DTWD2: variants seen among roughly 807,000 people sequenced by gnomAD.
DTWD2 encodes the protein tRNA-uridine aminocarboxypropyltransferase 2.
In DTWD2, 39 loss-of-function variants were observed where a neutral mutation model predicts 31.8. The ratio of observed to expected loss-of-function variants is 1.22; its 90% CI spans 0.95 to 1.60. DTWD2 has a LOEUF of 1.60. Ranked by LOEUF, DTWD2 falls within the 40% of genes most tolerant of loss-of-function variation. DTWD2 has a pLI of 0.00. For synonymous variants in DTWD2, 180 were observed against 142.8 expected, an observed-to-expected ratio of 1.26 and a Z score of -1.86; for missense variants, 515 against 381.5, an observed-to-expected ratio of 1.35 and a Z score of -2.92.
chr5:118,911,354 TAAC>T (rs1191739265), intron 4 of DTWD2, among the ~76,000 whole-genome samples: 9 of 152,304 alleles, frequency 5.9e-5, no homozygotes, highest in Admixed American at 2.6e-4. Flanking sequence ...AGACAAAAGA[TAAC>T]AAGTGTTGGG....
intron 4 of DTWD2, among the ~76,000 whole-genome samples, chr5:118,911,678 C>G (rs1367240536): frequency 6.6e-6 from 1 of 151,932 alleles, no homozygotes; most frequent in Non-Finnish European, 1.5e-5. Flanking sequence ...CACACATATA[C>G]ACACACACAC....
At chr5:118,855,087 C>T (rs1030473935) in intron 4 of DTWD2, among the ~76,000 whole-genome samples, 8 of 150,868 alleles carry the variant, frequency 5.3e-5, no homozygotes, top group East Asian at 2.0e-4. Flanking sequence ...GGATCACCTG[C>T]GCCTGGGAGG....
chr5:118,894,639 A>C (rs984707646), intron 4 of DTWD2, among the ~76,000 whole-genome samples: 1 of 152,234 alleles, frequency 6.6e-6, no homozygotes, highest in Non-Finnish European at 1.5e-5. Flanking sequence ...ACTAGCAAAC[A>C]GAATTTAACA....
In DTWD2 at chr5:118,944,648, G is replaced by A. The variant is rs1316914300; in HGVS notation, c.220C>T (p.Arg74Trp). 5.6e-6 allele frequency: 9 copies of A among 1,610,514 alleles called. No individual in the cohort carries two copies. The highest frequency in any genetic ancestry group is 2.2e-5 in the South Asian group (2 of 90,656). The change falls in exon 2 of 6, where the codon CGG (arginine) becomes TGG (tryptophan). Residue 74 changes from arginine to tryptophan, a missense_variant and splice_region_variant. Coordinates refer to ENST00000510708, the MANE Select transcript of DTWD2 (RefSeq NM_173666.4). ...GGACACAAACACACTTTCTGAGGCC[G>A]GCTAAAGGGTAAAAAGAAAAATAAA... ...ERRPECTRCS[R>W]PQKVCLCPFL... is the part of the protein sequence containing the mutation.
chr5:118,874,847 C>T (rs1489108705), intron 4 of DTWD2, among the ~76,000 whole-genome samples: 2 of 152,032 alleles, frequency 1.3e-5, no homozygotes, highest in Admixed American at 1.3e-4. Context: ...CATTCAAATT[C>T]CAGAAATGCA....
intron 1 of DTWD2, among the ~76,000 whole-genome samples, chr5:118,946,592 C>T (rs1754343570): frequency 1.3e-5 from 2 of 152,086 alleles, no homozygotes; most frequent in Admixed American, 1.3e-4. Flanking sequence ...CCAACATAAC[C>T]AGGCAAATTT....
At chr5:118,891,806 G>C (rs192619579) in intron 4 of DTWD2, among the ~76,000 whole-genome samples, 1 of 152,248 alleles carries the variant, frequency 6.6e-6, no homozygotes, top group Admixed American at 6.5e-5. Context: ...GAAATAATGA[G>C]GATAACTAAG....
At chr5:118,899,681 T>A (rs999345718) in intron 4 of DTWD2, among the ~76,000 whole-genome samples, 1 of 152,164 alleles carries the variant, frequency 6.6e-6, no homozygotes, top group African/African-American at 2.4e-5. Context: ...TCCATTCCTG[T>A]CATTATGCCC....
intron 4 of DTWD2, among the ~76,000 whole-genome samples, chr5:118,882,671 A>C (rs1225910263): frequency 6.6e-6 from 1 of 152,258 alleles, no homozygotes; most frequent in African/African-American, 2.4e-5. Context: ...GGAAATTGCC[A>C]AAGCTTGGGG....
At chr5:118,919,315 T>C (rs1487356015) in intron 4 of DTWD2, among the ~76,000 whole-genome samples, 1 of 152,230 alleles carries the variant, frequency 6.6e-6, no homozygotes, top group African/African-American at 2.4e-5. Context: ...TCACAGAGAA[T>C]GTAAACAAAT....
At chr5:118,895,594 T>C (rs1753067614) in intron 4 of DTWD2, among the ~76,000 whole-genome samples, 1 of 152,200 alleles carries the variant, frequency 6.6e-6, no homozygotes, top group East Asian at 1.9e-4. Flanking sequence ...AGGCATCACA[T>C]TGTCTGATTC....
At chr5:118,919,207 C>G (rs901782395) in intron 4 of DTWD2, among the ~76,000 whole-genome samples, 1 of 152,222 alleles carries the variant, frequency 6.6e-6, no homozygotes, top group Admixed American at 6.5e-5. Context: ...ATGTCATCAT[C>G]TGCTGGTGCA....
rs145633053 is a variant in DTWD2, at chr5:118,955,302, T to C, written c.219-10653A>G. ...GCTTTATATTTAGCAAGTTACTTTATAGGACGCATTTCTGCTTTATTACCT... is the reference window on the plus strand; with the variant it reads ...GCTTTATATTTAGCAAGTTACTTTACAGGACGCATTTCTGCTTTATTACCT... On this transcript the variant is annotated intron_variant, in intron 1 of 5. Coordinates refer to ENST00000510708, the MANE Select transcript of DTWD2 (RefSeq NM_173666.4). 6.8e-4 allele frequency among the ~76,000 whole-genome samples: 104 copies of C among 152,328 alleles called. 1 individual carries two copies. Among genetic ancestry groups the C allele is most frequent in the African/African-American group, 2.0e-3 (83 of 41,564 alleles).
rs139864584 is a variant in DTWD2, at chr5:118,948,577, C to T, written c.219-3928G>A. Among the ~76,000 whole-genome samples the T allele has an allele frequency of 9.0e-4, 137 of 152,192 alleles. 1 individual carries two copies. In the East Asian group the frequency reaches 0.025, roughly 27 times the overall value. On this transcript the variant is annotated intron_variant, in intron 1 of 5. Coordinates refer to ENST00000510708, the MANE Select transcript of DTWD2 (RefSeq NM_173666.4). Reference sequence around the variant, plus strand: ...GTGAATGCCAGGTGGATCAGAGAGACACGGTCATGGGGGTCAGGTGTGGTA... The same window carrying T: ...GTGAATGCCAGGTGGATCAGAGAGATACGGTCATGGGGGTCAGGTGTGGTA...
chr5:118,945,924 A>T (rs1385255551), intron 1 of DTWD2, among the ~76,000 whole-genome samples: 29 of 152,158 alleles, frequency 1.9e-4, no homozygotes. Context: ...ATTAAAGGGA[A>T]TTTCCAATAC....
At chr5:118,877,305 T>C (rs1322153750) in intron 4 of DTWD2, among the ~76,000 whole-genome samples, 1 of 151,982 alleles carries the variant, frequency 6.6e-6, no homozygotes, top group Non-Finnish European at 1.5e-5. Flanking sequence ...ACCCCATCTC[T>C]ACTAAAAGTA....
At chr5:118,987,608 G>C in intron 1 of DTWD2, among the ~76,000 whole-genome samples, 1 of 152,008 alleles carries the variant, frequency 6.6e-6, no homozygotes, top group Non-Finnish European at 1.5e-5. Flanking sequence ...TTGATTGCTT[G>C]TTTGCTGGTT....
At chr5:118,909,303 A>T (rs1753406515) in intron 4 of DTWD2, among the ~76,000 whole-genome samples, 1 of 152,192 alleles carries the variant, frequency 6.6e-6, no homozygotes, top group South Asian at 2.1e-4. Context: ...GTCACTGCAG[A>T]TGCCCCACAG....
intron 3 of DTWD2, among the ~76,000 whole-genome samples, chr5:118,932,274 C>G (rs1252585908): frequency 6.9e-6 from 1 of 145,296 alleles, no homozygotes. Context: ...GCCAGGAGCT[C>G]AAGACCAGCC....
Sources: gnomAD v4.1 joint callset for allele counts (sites outside exome capture counted in the v4.1 genomes callset) on GRCh38, gnomAD v4.1.1 for gene constraint, MANE v1.5 for transcripts, NCBI Gene and HGNC (gene_info 2026-07-23, HGNC 2026-07-21) for gene names.